The following BCAS3 variants were observed in gnomAD, a reference collection of about 807,000 sequenced individuals.
The protein encoded by BCAS3 is BCAS3 microtubule associated cell migration factor, also known as BCAS4/BCAS3 fusion.
BCAS3 carries 53 observed loss-of-function variants against 116.1 expected under a neutral mutation model. The observed-to-expected ratio is 0.46, with a 90% CI of 0.37 to 0.57. The LOEUF is 0.57. Among genes scored for constraint, BCAS3 ranks in the 20% least tolerant of loss-of-function variants. The pLI is 0.00. For missense variants in BCAS3, 917 were observed against 1,165.4 expected (o/e 0.79, Z 3.10); for synonymous variants, 391 against 408.2 (o/e 0.96, Z 0.51).
At chr17:60,824,851 T>C (rs2050245877) in intron 7 of BCAS3, among the ~76,000 whole-genome samples, 1 of 152,206 alleles carries the variant, frequency 6.6e-6, no homozygotes, top group African/African-American at 2.4e-5. Context: ...CATATACACA[T>C]GCACAAACAC....
chr17:61,291,691 G>A (rs1350174811), intron 22 of BCAS3, among the ~76,000 whole-genome samples: 2 of 152,156 alleles, frequency 1.3e-5, no homozygotes, highest in Non-Finnish European at 2.9e-5. Context: ...TTTGTGCTTC[G>A]TGTACACTTT....
At chr17:61,049,831 C>G (rs990572572) in intron 19 of BCAS3, among the ~76,000 whole-genome samples, 1 of 147,412 alleles carries the variant, frequency 6.8e-6, no homozygotes, top group African/African-American at 2.5e-5. Flanking sequence ...CTCCTGGGTT[C>G]AAGTGATTCT....
At chr17:61,358,648 T>A (rs1474426386) in intron 22 of BCAS3, among the ~76,000 whole-genome samples, 1 of 151,890 alleles carries the variant, frequency 6.6e-6, no homozygotes, top group Non-Finnish European at 1.5e-5. Flanking sequence ...ATTACAGGCA[T>A]GCACCACCAT....
chr17:60,741,021 C>T (rs1568143942), intron 5 of BCAS3, among the ~76,000 whole-genome samples: 1 of 152,152 alleles, frequency 6.6e-6, no homozygotes, highest in African/African-American at 2.4e-5. Flanking sequence ...TTAATTTTTA[C>T]ATTTTACAAT....
At chr17:60,917,889 C>T (rs1414286764) in intron 12 of BCAS3, among the ~76,000 whole-genome samples, 1 of 152,078 alleles carries the variant, frequency 6.6e-6, no homozygotes, top group South Asian at 2.1e-4. Flanking sequence ...TACCGTGCCC[C>T]GCCACCTTTC....
chr17:61,246,837 G>C (rs2048013765), intron 22 of BCAS3, among the ~76,000 whole-genome samples: 1 of 148,790 alleles, frequency 6.7e-6, no homozygotes. Flanking sequence ...GTGTATGTGT[G>C]TGATAACCTA....
chr17:61,174,888 G>A (rs890177051), intron 22 of BCAS3, among the ~76,000 whole-genome samples: 1 of 152,156 alleles, frequency 6.6e-6, no homozygotes. Flanking sequence ...ATGAATTCTG[G>A]TAGCTCAATT....
At chr17:61,250,152 T>A (rs1458121483) in intron 22 of BCAS3, among the ~76,000 whole-genome samples, 34 of 152,330 alleles carry the variant, frequency 2.2e-4, no homozygotes, top group Non-Finnish European at 5.9e-5. Context: ...TTTGCCTTCA[T>A]AATTGTCTGC....
At chr17:61,046,057 T>A (rs1268181002) in intron 19 of BCAS3, among the ~76,000 whole-genome samples, 1 of 19,090 alleles carries the variant, frequency 5.2e-5, no homozygotes, top group Non-Finnish European at 7.0e-5. Flanking sequence ...AATATATATA[T>A]TATATATATA....
At chr17:60,715,036 A>T (rs2038403931) in intron 5 of BCAS3, among the ~76,000 whole-genome samples, 1 of 152,150 alleles carries the variant, frequency 6.6e-6, no homozygotes, top group African/African-American at 2.4e-5. Context: ...ATTCTTAATT[A>T]AAAAAATCAA....
rs59436810 is a variant in BCAS3 at position 61,366,140 on chromosome 17, CA to C, written c.2426-2171del. Among the ~76,000 whole-genome samples the C allele has an allele frequency of 0.7, 95,888 of 137,632 alleles. 32,585 individuals are homozygous for C. Among genetic ancestry groups the C allele is most frequent in the Non-Finnish European group, 0.76 (48,425 of 63,840 alleles). 90.3% of individuals were successfully genotyped at this position (137,632 alleles called of 152,430 possible). ...CCTGGGCGACAGAGTGAGACTGTCT[CA>C]AAAAAAAAAAAAAAAGTTGAGCCAA... On this transcript the variant is annotated intron_variant, in intron 22 of 23. Coordinates refer to ENST00000407086, the MANE Select transcript of BCAS3 (RefSeq NM_017679.5). This position sits in a 1 kb window ranked among gnomAD's most constrained non-coding sequence, Gnocchi z 4.5.
intron 4 of BCAS3, among the ~76,000 whole-genome samples, chr17:60,690,297 T>C (rs1353182294): frequency 6.6e-6 from 1 of 152,150 alleles, no homozygotes; most frequent in Non-Finnish European, 1.5e-5. Flanking sequence ...AGGCAGGGCA[T>C]AGTGGCTCAC....
At chr17:60,769,271 C>T (rs1235543236) in intron 6 of BCAS3, among the ~76,000 whole-genome samples, 15 of 152,256 alleles carry the variant, frequency 9.9e-5, no homozygotes, top group Middle Eastern at 3.4e-3. Flanking sequence ...TGGTGGAATG[C>T]TCAGGTGTTG....
chr17:61,386,306 C>T (rs934739157), intron 23 of BCAS3, among the ~76,000 whole-genome samples: 1 of 152,234 alleles, frequency 6.6e-6, no homozygotes, highest in Non-Finnish European at 1.5e-5. Flanking sequence ...TTCTCGGGTT[C>T]TCTTGAGGCT....
At chr17:60,772,877 A>G (rs1038205189) in intron 6 of BCAS3, among the ~76,000 whole-genome samples, 4 of 152,162 alleles carry the variant, frequency 2.6e-5, no homozygotes, top group African/African-American at 9.7e-5. Context: ...AGTCTCAGAA[A>G]AAAAAAGGGG....
At chr17:61,308,850 C>T (rs542015701) in intron 22 of BCAS3, among the ~76,000 whole-genome samples, 10 of 152,254 alleles carry the variant, frequency 6.6e-5, no homozygotes, top group African/African-American at 2.4e-4. Flanking sequence ...CATTCACCTT[C>T]TTTATTACTT....
intron 14 of BCAS3, among the ~76,000 whole-genome samples, chr17:60,972,315 T>TA (rs1378063753): frequency 6.6e-6 from 1 of 152,184 alleles, no homozygotes; most frequent in Non-Finnish European, 1.5e-5. Context: ...CTAGCGTTTT[T>TA]AATGTGCACA....
intron 22 of BCAS3, among the ~76,000 whole-genome samples, chr17:61,164,239 G>C (rs1318580212): frequency 6.6e-6 from 1 of 151,908 alleles, no homozygotes; most frequent in Non-Finnish European, 1.5e-5. Flanking sequence ...AATTTTTAAA[G>C]AAATACTATG....
chr17:61,256,601 G>A lies in BCAS3; in HGVS notation c.2426-111726G>A, dbSNP rs1359789718. Among the ~76,000 whole-genome samples the A allele has an allele frequency of 6.6e-6, 1 of 152,218 alleles. No homozygotes were observed. Among genetic ancestry groups the A allele is most frequent in the Non-Finnish European group, 1.5e-5 (1 of 68,038 alleles). On this transcript the variant is annotated intron_variant, in intron 22 of 23. Coordinates refer to ENST00000407086, the MANE Select transcript of BCAS3 (RefSeq NM_017679.5). This position sits in a 1 kb window ranked among gnomAD's most constrained non-coding sequence, Gnocchi z 5.6. ...TTACAGGCGTGAGCCACCGCGCCTG[G>A]CCGTTTGGTTTTGTTTAGGTGTCTT...
Sources: allele counts gnomAD v4.1 joint callset (sites outside exome capture counted in the v4.1 genomes callset), GRCh38; gene constraint gnomAD v4.1.1; non-coding constraint Gnocchi (gnomAD v3.1); transcripts MANE v1.5; gene names NCBI Gene and HGNC (gene_info 2026-07-23, HGNC 2026-07-21).